SIGLEC5: variants seen among roughly 807,000 people sequenced by gnomAD.
SIGLEC5 encodes the protein sialic acid-binding Ig-like lectin 5.
In SIGLEC5, 34 loss-of-function variants were observed where a neutral mutation model predicts 45.9. The ratio of observed to expected loss-of-function variants is 0.74; its 90% CI spans 0.56 to 0.99. The LOEUF (loss-of-function observed/expected upper bound fraction) is 0.99, where lower values mean the gene tolerates loss of function less well. Ranked by LOEUF, SIGLEC5 falls within the 50% of genes least tolerant of loss-of-function variation. The pLI is 0.00. For synonymous variants in SIGLEC5, 203 were observed against 258.6 expected, an observed-to-expected ratio of 0.79 and a Z score of 2.06; for missense variants, 508 against 629.6, an observed-to-expected ratio of 0.81 and a Z score of 2.07.
At chr19:51,619,836 A>G (rs1055277895) in intron 8 of SIGLEC5, among the ~76,000 whole-genome samples, 1 of 151,948 alleles carries the variant, frequency 6.6e-6, no homozygotes, top group Non-Finnish European at 1.5e-5. Context: ...GTAAAAATCA[A>G]TAAAACAGAA....
chr19:51,628,289 A>T (rs531680372), intron 4 of SIGLEC5, among the ~76,000 whole-genome samples, 198 bp from the exon 5 acceptor site: 1 of 152,268 alleles, frequency 6.6e-6, no homozygotes, highest in African/African-American at 2.4e-5. Flanking sequence ...TCATGTCTCC[A>T]GAGGAGGCTC....
At chr19:51,628,320 C>T (rs1391304102) in intron 4 of SIGLEC5, among the ~76,000 whole-genome samples, 1 of 152,188 alleles carries the variant, frequency 6.6e-6, no homozygotes, top group Non-Finnish European at 1.5e-5. Context: ...TGGTACATGC[C>T]TGGACTGTGG....
chr19:51,619,590 A>G (rs1468183292), intron 8 of SIGLEC5, among the ~76,000 whole-genome samples: 1 of 152,218 alleles, frequency 6.6e-6, no homozygotes, highest in African/African-American at 2.4e-5. Flanking sequence ...TAAGATTCAA[A>G]GAAGAAATCA....
chr19:51,623,760 C>T (rs573185043), intron 8 of SIGLEC5, among the ~76,000 whole-genome samples: 1 of 152,256 alleles, frequency 6.6e-6, no homozygotes, highest in Admixed American at 6.5e-5. Flanking sequence ...GCAACTCAAT[C>T]TTTAGGTGAT....
At chr19:51,619,386 A>G (rs1983197506) in intron 8 of SIGLEC5, among the ~76,000 whole-genome samples, 1 of 152,194 alleles carries the variant, frequency 6.6e-6, no homozygotes, top group African/African-American at 2.4e-5. Context: ...GGCTAAAAAC[A>G]TACATTATTC....
At chr19:51,618,926 A>G (rs1389069501) in intron 8 of SIGLEC5, among the ~76,000 whole-genome samples, 2 of 152,176 alleles carry the variant, frequency 1.3e-5, no homozygotes, top group South Asian at 2.1e-4. Flanking sequence ...TACATCAAAT[A>G]TAAGAAACAC....
Position 51,627,627 on chromosome 19 carries a change from C to G in SIGLEC5, c.1117G>C (p.Glu373Gln), listed in dbSNP as rs1363551058. ...AATGAGCCCTGGCTGCTGTTCCCCT[C>G]CAGCGGCTTCTCCTCAAGCCGCCAG... Reference protein sequence around the residue: ...LCWRLEEKPLEGNSSQGSFKV... With the variant: ...LCWRLEEKPLQGNSSQGSFKV... The change falls in exon 6 of 9, where the codon GAG (glutamate) becomes CAG (glutamine). Residue 373 changes from glutamate (E) to glutamine (Q), a missense_variant. By Grantham distance (29) the Glu-to-Gln change is conservative (BLOSUM62 2). Around this residue, in one of 2 missense-constraint regions of SIGLEC5, gnomAD observed 431 missense variants for 428.8 expected, o/e 1.01. Transcript: ENST00000683636. The G allele has an allele frequency of 6.2e-7, 1 of 1,612,702 alleles. No individual in the cohort carries two copies. The highest frequency in any genetic ancestry group is 8.5e-7 in the Non-Finnish European group (1 of 1,179,720).
At chr19:51,627,786 C>T in intron 5 of SIGLEC5, 40 bp from the exon 6 acceptor site, 1 of 1,567,684 alleles carries the variant, frequency 6.4e-7, no homozygotes, top group Non-Finnish European at 8.7e-7. Context: ...GGGGCCTCTT[C>T]CTTCTTTAAT....
rs529379716 is a variant in SIGLEC5 at position 51,614,973 on chromosome 19, CAGAG to C, written c.1465-2555_1465-2552del. 8.7e-4 allele frequency among the ~76,000 whole-genome samples: 133 copies of C among 152,240 alleles called. 1 individual carries two copies. The highest frequency in any genetic ancestry group is 2.6e-3 in the African/African-American group (110 of 41,536). ...ATTTCTATAGGAGAAAACAAAAAAACAGAGAGGTTCATTAGCTTATCCAAGGTCA... is the reference window on the plus strand; with the variant it reads ...ATTTCTATAGGAGAAAACAAAAAAACAGGTTCATTAGCTTATCCAAGGTCA... On this transcript the variant is annotated intron_variant, in intron 8 of 8. Transcript: ENST00000683636.
intron 4 of SIGLEC5, among the ~76,000 whole-genome samples, 177 bp downstream of exon 4, chr19:51,628,833 GTGTGCGTGTGTGCATGTGTGCGTGTGTA>G (rs1047190002): frequency 7.4e-5 from 11 of 149,130 alleles, no homozygotes; most frequent in South Asian, 6.3e-4. Flanking sequence ...GTGCGTGTGT[GTGTGCGTGTGTGCATGTGTGCGTGTGTA>G]TGTGCGTGTG....
chr19:51,623,069 GC>G (rs1174152052), intron 8 of SIGLEC5, among the ~76,000 whole-genome samples: 2 of 152,198 alleles, frequency 1.3e-5, no homozygotes, highest in African/African-American at 4.8e-5. Context: ...ACGGATCAAT[GC>G]TTGAGGGGCT....
intron 8 of SIGLEC5, among the ~76,000 whole-genome samples, chr19:51,619,590 A>T (rs1468183292): frequency 6.6e-6 from 1 of 152,218 alleles, no homozygotes; most frequent in African/African-American, 2.4e-5. Flanking sequence ...TAAGATTCAA[A>T]GAAGAAATCA....
At position 51,621,483 on chromosome 19, in the gene SIGLEC5, GAA is replaced by G. The variant is rs1447009729; in HGVS notation, c.1464+4547_1464+4548del. 5.3e-5 allele frequency: 8 copies of G among 152,316 alleles called. No individual in the cohort carries two copies. The East Asian group carries it at 1.5e-3, about 29-fold the overall frequency. 9.4% of individuals were successfully genotyped at this position (152,316 alleles called of 1,614,324 possible). ...TTGAAATCTGACATCTGTTAGAAGA[GAA>G]ATACATCTGCAGAGTATACATGAGG... On this transcript the variant is annotated intron_variant, in intron 8 of 8. Coordinates refer to ENST00000683636, the MANE Select transcript of SIGLEC5 (RefSeq NM_003830.4).
rs1016609467 is a variant in SIGLEC5, at chr19:51,616,800, A to G, written c.1465-4378T>C. Among the ~76,000 whole-genome samples the G allele has an allele frequency of 4.7e-5, 7 of 149,502 alleles. No homozygotes were observed. In the East Asian group the frequency reaches 1.4e-3, roughly 30 times the overall value. The stretch of plus-strand genomic sequence containing the variant: ...ATGATGTGCACCTGTAATCCCAGCT[A>G]CTCGGGAGGCTGAGGCACAAGATTC... On this transcript the variant is annotated intron_variant, in intron 8 of 8. Transcript: ENST00000683636.
In SIGLEC5 at chr19:51,628,094, T is replaced by C. The variant is rs373321320; in HGVS notation, c.740-3A>G. ...GGTGTTTTGCAGGATCTCTAGGGCT[T>C]TGGGGAGAGAAGGGTGGGGAAAGAG... On this transcript the variant is annotated splice_polypyrimidine_tract_variant and splice_region_variant and intron_variant, in intron 4 of 8. Coordinates refer to ENST00000683636, the MANE Select transcript of SIGLEC5 (RefSeq NM_003830.4). The C allele has an allele frequency of 1.3e-5, 19 of 1,513,974 alleles. No homozygotes were observed. Among genetic ancestry groups the C allele is most frequent in the Middle Eastern group, 1.8e-4 (1 of 5,618 alleles). 93.8% of individuals were successfully genotyped at this position (1,513,974 alleles called of 1,614,324 possible).
At chr19:51,628,905 G>T in intron 4 of SIGLEC5, 133 bp downstream of exon 4, 1 of 871,344 alleles carries the variant, frequency 1.1e-6, no homozygotes, top group Non-Finnish European at 1.8e-6. Context: ...CTCACAGAAG[G>T]TGGAAGCCAG....
chr19:51,627,960 T>C lies in SIGLEC5; in HGVS notation c.871A>G (p.Thr291Ala). 1 of 1,613,952 alleles carries C rather than the reference T, an allele frequency of 6.2e-7. No individual in the cohort carries two copies. Among genetic ancestry groups the C allele is most frequent in the Non-Finnish European group, 8.5e-7 (1 of 1,179,934 alleles). Reference protein sequence around the residue: ...WFQGSPALNATPISNTGILEL... With the variant: ...WFQGSPALNAAPISNTGILEL... ...AAGATCCCGGTATTGGAGATGGGGG[T>C]GGCGTTCAGGGCAGGGGAGCCCTGG... The change falls in exon 5 of 9, where the codon ACC (threonine) becomes GCC (alanine). Residue 291 changes from threonine to alanine, a missense_variant. Physicochemically the swap from Thr to Ala is moderately conservative, Grantham distance 58 (BLOSUM62 0). Around this residue, in one of 2 missense-constraint regions of SIGLEC5, gnomAD observed 431 missense variants for 428.8 expected, o/e 1.01. Transcript: ENST00000683636.
intron 8 of SIGLEC5, among the ~76,000 whole-genome samples, chr19:51,624,084 G>A (rs537521486): frequency 9.2e-5 from 14 of 152,012 alleles, no homozygotes; most frequent in Non-Finnish European, 1.3e-4. Flanking sequence ...GCTTGAACCC[G>A]GGAGGTGGAG....
At chr19:51,622,607 G>C (rs533837879) in intron 8 of SIGLEC5, among the ~76,000 whole-genome samples, 12 of 152,284 alleles carry the variant, frequency 7.9e-5, no homozygotes, top group African/African-American at 2.9e-4. Flanking sequence ...TATTGGAGTA[G>C]AATAGAGACC....
Sources: gnomAD v4.1 joint callset for allele counts (sites outside exome capture counted in the v4.1 genomes callset) on GRCh38, gnomAD v4.1.1 for gene constraint, gnomAD v4.1.1 regional missense constraint, MANE v1.5 for transcripts, NCBI Gene and HGNC (gene_info 2026-07-23, HGNC 2026-07-21) for gene names.